PTP4A3: variants seen among roughly 807,000 people sequenced by gnomAD.
PTP4A3 encodes the protein protein tyrosine phosphatase type IVA 3.
In PTP4A3, 9 loss-of-function variants were observed where a neutral mutation model predicts 15.2. The ratio of observed to expected loss-of-function variants is 0.59; its 90% CI spans 0.36 to 1.03. PTP4A3 has a LOEUF of 1.03. Ranked by LOEUF, PTP4A3 falls within the 50% of genes least tolerant of loss-of-function variation. The pLI is 0.02. For synonymous variants in PTP4A3, 95 were observed against 102.0 expected, an observed-to-expected ratio of 0.93 and a Z score of 0.41; for missense variants, 234 against 252.1, an observed-to-expected ratio of 0.93 and a Z score of 0.49.
rs79069823 is a variant in PTP4A3 at position 141,425,913 on chromosome 8, G to T, written c.198+773G>T. 1.3e-5 allele frequency among the ~76,000 whole-genome samples: 2 copies of T among 152,282 alleles called. No homozygotes were observed. Among genetic ancestry groups the T allele is most frequent in the South Asian group, 4.1e-4 (2 of 4,830 alleles). On this transcript the variant is annotated intron_variant, in intron 3 of 5. Transcript: ENST00000521578. This position sits in a 1 kb window ranked among gnomAD's most constrained non-coding sequence, Gnocchi z 4.2. Reference sequence around the variant, plus strand: ...CCGCCTCTGCCCTCCCCAGCCTTGCGACCCTGCAGGTCACTCCGAGCCTTG... The same window carrying T: ...CCGCCTCTGCCCTCCCCAGCCTTGCTACCCTGCAGGTCACTCCGAGCCTTG...
chr8:141,427,404 G>A (rs972270236), intron 4 of PTP4A3, among the ~76,000 whole-genome samples: 95 of 152,318 alleles, frequency 6.2e-4, no homozygotes, highest in Non-Finnish European at 2.1e-4. Context: ...GAGGAAGAAT[G>A]GCAGCTGGGA....
At chr8:141,403,274 G>A (rs958256534) in intron 1 of PTP4A3, among the ~76,000 whole-genome samples, 14 of 152,220 alleles carry the variant, frequency 9.2e-5, no homozygotes, top group Non-Finnish European at 1.3e-4. Flanking sequence ...GCTGGGCACC[G>A]TGTGTGCCGT....
At chr8:141,419,881 C>T (rs72685406) in intron 1 of PTP4A3, among the ~76,000 whole-genome samples, 2 of 152,274 alleles carry the variant, frequency 1.3e-5, no homozygotes, top group Non-Finnish European at 2.9e-5. Context: ...GCCTGACACC[C>T]ACCGCCCATT....
chr8:141,392,499 G>A (rs1379961388), intron 1 of PTP4A3: 1 of 152,364 alleles, frequency 6.6e-6, no homozygotes, highest in African/African-American at 2.4e-5. Context: ...TGGGGGGCTG[G>A]AACCCCACAG....
chr8:141,417,732 T>C (rs1833116119), intron 1 of PTP4A3, among the ~76,000 whole-genome samples: 1 of 151,762 alleles, frequency 6.6e-6, no homozygotes, highest in Non-Finnish European at 1.5e-5. Context: ...CACTTCCCTT[T>C]CCTGGCTGGG....
intron 1 of PTP4A3, among the ~76,000 whole-genome samples, chr8:141,394,545 G>T (rs1384261012): frequency 3.3e-5 from 5 of 152,206 alleles, no homozygotes; most frequent in Non-Finnish European, 7.3e-5. Context: ...CCGAGGCTGG[G>T]CTAGAGGCAG....
At chr8:141,404,173 A>T (rs796230476) in intron 1 of PTP4A3, among the ~76,000 whole-genome samples, 17 of 152,382 alleles carry the variant, frequency 1.1e-4, no homozygotes, top group African/African-American at 3.6e-4. Flanking sequence ...GCTCGTGCAC[A>T]TGCCACGCAA....
intron 3 of PTP4A3, 160 bp from the exon 4 acceptor site, chr8:141,426,779 A>C (rs1323941335): frequency 1.1e-6 from 1 of 912,176 alleles, no homozygotes; most frequent in Non-Finnish European, 1.3e-6. Flanking sequence ...GCCCATAGGC[A>C]AGCTGTGCCC....
intron 1 of PTP4A3, among the ~76,000 whole-genome samples, chr8:141,416,101 G>GGA (rs1337851097): frequency 6.6e-6 from 1 of 152,184 alleles, no homozygotes; most frequent in Non-Finnish European, 1.5e-5. Context: ...GGGGTGATGA[G>GGA]GATGCTGGGG....
chr8:141,410,449 C>T (rs1232104690), intron 1 of PTP4A3, among the ~76,000 whole-genome samples: 2 of 152,236 alleles, frequency 1.3e-5, no homozygotes, highest in Admixed American at 6.5e-5. Context: ...CACGCAGGCT[C>T]CCCTGAGGGT....
intron 1 of PTP4A3, among the ~76,000 whole-genome samples, chr8:141,402,812 G>C (rs1434331741): frequency 6.6e-6 from 1 of 151,884 alleles, no homozygotes; most frequent in African/African-American, 2.4e-5. Context: ...CCCTGAGAGT[G>C]TCTTGGGGTT....
intron 1 of PTP4A3, among the ~76,000 whole-genome samples, chr8:141,393,856 C>T (rs1234294535): frequency 3.3e-5 from 5 of 152,108 alleles, no homozygotes; most frequent in Admixed American, 1.3e-4. Flanking sequence ...GTTTGGATGG[C>T]GAGGAGGTCT....
chr8:141,411,688 G>A (rs1009899820), intron 1 of PTP4A3, among the ~76,000 whole-genome samples: 1 of 152,162 alleles, frequency 6.6e-6, no homozygotes, highest in Non-Finnish European at 1.5e-5. Context: ...TCTGACGTGC[G>A]TCCACTAGAG....
At chr8:141,401,946 C>T (rs1364835072) in intron 1 of PTP4A3, among the ~76,000 whole-genome samples, 2 of 147,940 alleles carry the variant, frequency 1.4e-5, no homozygotes, top group Non-Finnish European at 2.9e-5. Context: ...CGAGGCCACT[C>T]CAGCTTCAGC....
intron 1 of PTP4A3, among the ~76,000 whole-genome samples, chr8:141,397,392 G>T (rs1406222206): frequency 2.1e-5 from 3 of 144,410 alleles, no homozygotes; most frequent in Non-Finnish European, 4.6e-5. Context: ...ACTTCTGCCT[G>T]TAAGGCCTGT....
chr8:141,428,607 T>C (rs1396027683), intron 5 of PTP4A3, among the ~76,000 whole-genome samples: 1 of 152,018 alleles, frequency 6.6e-6, no homozygotes, highest in Non-Finnish European at 1.5e-5. Flanking sequence ...TGGGTCTGTG[T>C]GAGAGTGTGG....
rs776318337 is a variant in PTP4A3 at position 141,431,028 on chromosome 8, G to C, written c.506G>C (p.Arg169Pro). ...AAAGACCCACACACGCACAAGACCC[G>C]GTGCTGCGTTATGTAGCTCAGGACC... ...RFKDPHTHKTRCCVM is the reference protein window; with the variant it reads ...RFKDPHTHKTPCCVM Residue 169 changes from arginine to proline, a missense_variant, in exon 6 of 6, where the codon CGG (arginine) becomes CCG (proline). By Grantham distance (103) the Arg-to-Pro change is moderately radical. Transcript: ENST00000521578. The C allele has an allele frequency of 6.2e-7, 1 of 1,613,150 alleles. No individual in the cohort carries two copies. The highest frequency in any genetic ancestry group is 2.2e-5 in the East Asian group (1 of 44,884).
chr8:141,415,620 A>AGGGCGGG (rs1327121394), intron 1 of PTP4A3, among the ~76,000 whole-genome samples: 1 of 35,866 alleles, frequency 2.8e-5, no homozygotes, highest in Non-Finnish European at 6.1e-5. Flanking sequence ...ACGTGCGCGG[A>AGGGCGGG]GGGCGGGGGG....
chr8:141,427,883 C>G, intron 5 of PTP4A3, 59 bp downstream of exon 5: 1 of 1,465,616 alleles, frequency 6.8e-7, no homozygotes, highest in Admixed American at 2.1e-5. Flanking sequence ...GATCCGGCTG[C>G]CCACGAAGGG....
Sources: allele counts gnomAD v4.1 joint callset (sites outside exome capture counted in the v4.1 genomes callset), GRCh38; gene constraint gnomAD v4.1.1; non-coding constraint Gnocchi (gnomAD v3.1); transcripts MANE v1.5; gene names NCBI Gene and HGNC (gene_info 2026-07-23, HGNC 2026-07-21).